The following CPNE9 variants were observed in gnomAD, a reference collection of about 807,000 sequenced individuals.
The protein encoded by CPNE9 is copine family member 9.
A neutral mutation model predicts 83.0 loss-of-function variants in CPNE9; 59 were observed. That is an observed-to-expected ratio of 0.71 (90% CI 0.58 to 0.88). The LOEUF (loss-of-function observed/expected upper bound fraction) is 0.88. CPNE9 is among the 40% of genes least tolerant of loss of function. The pLI is 0.00. For missense variants in CPNE9, 619 were observed against 720.8 expected, an observed-to-expected ratio of 0.86 and a Z score of 1.62; for synonymous variants, 256 against 273.4, an observed-to-expected ratio of 0.94 and a Z score of 0.63.
chr3:9,723,831 AC>A (rs1332147469), intron 17 of CPNE9, among the ~76,000 whole-genome samples: 4 of 152,152 alleles, frequency 2.6e-5, no homozygotes, highest in Admixed American at 1.3e-4. Context: ...GGCGTGAGCC[AC>A]CCCACCTGTC....
chr3:9,709,959 C>T (rs1255315572), intron 7 of CPNE9, among the ~76,000 whole-genome samples: 4 of 145,762 alleles, frequency 2.7e-5, no homozygotes, highest in Non-Finnish European at 6.0e-5. Context: ...CATTGCACTC[C>T]AGCCTGGGCG....
chr3:9,715,182 C>T lies in CPNE9; in HGVS notation c.693-107C>T, dbSNP rs903720784. The T allele has an allele frequency of 7.1e-6, 9 of 1,275,010 alleles. No homozygotes were observed. The African/African-American group carries it at 8.9e-5, about 13-fold the overall frequency. 79.0% of individuals were successfully genotyped at this position (1,275,010 alleles called of 1,614,324 possible). On this transcript the variant is annotated intron_variant, in intron 11 of 20. Coordinates refer to ENST00000383832, the MANE Select transcript of CPNE9 (RefSeq NM_153635.3). ...CCCTTATGGCCCCAGCACTAGGCTG[C>T]CCTGCAGCCTAAGTAGGGGCTTAGG... is the stretch of plus-strand genomic sequence containing the variant.
rs1405709626 is a variant in CPNE9, at chr3:9,715,342, A to G, written c.746A>G (p.Gln249Arg). 1.2e-6 allele frequency: 2 copies of G among 1,614,228 alleles called. No homozygotes were observed. Among genetic ancestry groups the G allele is most frequent in the Non-Finnish European group, 1.7e-6 (2 of 1,180,034 alleles). The change falls in exon 12 of 21, where the codon CAG becomes CGG. Residue 249 changes from glutamine to arginine, a missense_variant. Coordinates refer to ENST00000383832, the MANE Select transcript of CPNE9 (RefSeq NM_153635.3). ...TTSYRELSKAQNQFTVYEVLN... is the reference protein window; with the variant it reads ...TTSYRELSKARNQFTVYEVLN... Reference sequence around the variant, plus strand: ...AGCTACCGGGAGCTGAGCAAGGCCCAGAACCAGTTCACAGTATATGAGGTG... The same window carrying G: ...AGCTACCGGGAGCTGAGCAAGGCCCGGAACCAGTTCACAGTATATGAGGTG...
At chr3:9,724,883 A>T (rs962361639) in intron 17 of CPNE9, among the ~76,000 whole-genome samples, 24 of 152,040 alleles carry the variant, frequency 1.6e-4, no homozygotes, top group African/African-American at 5.8e-4. Flanking sequence ...CAGCCTCCCG[A>T]GTAGCTGGGA....
Position 9,704,804 on chromosome 3 carries a change from C to T in CPNE9, c.156+9C>T, listed in dbSNP as rs762565204. On this transcript the variant is annotated intron_variant, in intron 3 of 20. Coordinates refer to ENST00000383832, the MANE Select transcript of CPNE9 (RefSeq NM_153635.3). This position sits in a 1 kb window ranked among gnomAD's most constrained non-coding sequence, Gnocchi z 7.1. ...GCCAGGAGTGGCGGGAGGTGAGTCC[C>T]AGAGCCCCCTCCCGGCCCAGGGCGT... is the stretch of plus-strand genomic sequence containing the variant. 1 of 1,605,032 alleles carries T rather than the reference C, an allele frequency of 6.2e-7. No individual in the cohort carries two copies.
At chr3:9,725,483 C>T (rs1375951970) in intron 17 of CPNE9, among the ~76,000 whole-genome samples, 1 of 150,978 alleles carries the variant, frequency 6.6e-6, no homozygotes, top group African/African-American at 2.4e-5. Flanking sequence ...TGCAGTGAGC[C>T]GAGATCACAC....
chr3:9,716,425 A>T (rs534695354), intron 14 of CPNE9, among the ~76,000 whole-genome samples: 3 of 152,200 alleles, frequency 2.0e-5, no homozygotes, highest in East Asian at 3.9e-4. Context: ...GACCTGGGAA[A>T]GGTAACTTTG....
intron 7 of CPNE9, among the ~76,000 whole-genome samples, chr3:9,708,876 C>A (rs1257846939): frequency 6.6e-6 from 1 of 151,650 alleles, no homozygotes; most frequent in Admixed American, 6.6e-5. Flanking sequence ...CCTCATGATC[C>A]GCCCGCCTCG....
intron 17 of CPNE9, 60 bp downstream of exon 17, chr3:9,718,662 C>T (rs1346535818): frequency 5.1e-6 from 8 of 1,576,222 alleles, no homozygotes; most frequent in Non-Finnish European, 6.9e-6. Context: ...GATTGACCCC[C>T]CAAGGATAGT....
Position 9,703,876 on chromosome 3 carries a change from G to C in CPNE9, c.-121G>C, listed in dbSNP as rs1341808900. 1 of 742,722 alleles carries C rather than the reference G, an allele frequency of 1.3e-6. No individual in the cohort carries two copies. The highest frequency in any genetic ancestry group is 2.0e-6 in the Non-Finnish European group (1 of 494,834). The allele number at this position is 742,722 out of a possible 1,614,324, so 46.0% of individuals were successfully genotyped here. On this transcript the variant is annotated 5_prime_UTR_variant, in exon 1 of 21. Transcript: ENST00000383832. The stretch of plus-strand genomic sequence containing the variant: ...GCTGGAGCGCACGCAGGGCTGGAGC[G>C]AGTGCAGCCGCCGCCGCCGCCGACA...
At chr3:9,707,002 C>A (rs1016474758) in intron 7 of CPNE9, among the ~76,000 whole-genome samples, 2 of 151,978 alleles carry the variant, frequency 1.3e-5, no homozygotes, top group African/African-American at 4.8e-5. Flanking sequence ...GGGTTCTGAG[C>A]GGAGGAGTGA....
intron 9 of CPNE9, 29 bp downstream of exon 9, chr3:9,712,857 C>T (rs778280074): frequency 6.3e-7 from 1 of 1,596,516 alleles, no homozygotes; most frequent in South Asian, 1.1e-5. Flanking sequence ...GGCTGTTAGG[C>T]TGGGGTGGGC....
intron 20 of CPNE9, 46 bp downstream of exon 20, chr3:9,727,232 G>A: frequency 6.2e-7 from 1 of 1,605,346 alleles, no homozygotes. Context: ...GGCACAGTGA[G>A]AAGAGGCTAA....
intron 18 of CPNE9, 150 bp downstream of exon 18, chr3:9,726,201 G>C: frequency 1.8e-6 from 1 of 553,970 alleles, no homozygotes; most frequent in Non-Finnish European, 3.2e-6. Flanking sequence ...AGAGATAGAG[G>C]ACTTTGATTT....
rs569809017 is a variant in CPNE9 at position 9,722,163 on chromosome 3, C to A, written c.1241+3561C>A. On this transcript the variant is annotated intron_variant, in intron 17 of 20. Coordinates refer to ENST00000383832, the MANE Select transcript of CPNE9 (RefSeq NM_153635.3). ...AACTCCTGACCTCAGGTGATCCACC[C>A]CCCCCCGCCACCCGGCCTCCCAAAG... Among the ~76,000 whole-genome samples the A allele has an allele frequency of 1.7e-4, 26 of 151,594 alleles. 1 individual carries two copies. Among genetic ancestry groups the A allele is most frequent in the African/African-American group, 5.8e-4 (24 of 41,214 alleles).
intron 13 of CPNE9, 93 bp from the exon 14 acceptor site, chr3:9,715,881 C>A: frequency 9.4e-7 from 1 of 1,061,050 alleles, no homozygotes; most frequent in Non-Finnish European, 1.4e-6. Flanking sequence ...CCTCCCATCA[C>A]GTGCCTCTTT....
At chr3:9,708,049 C>A (rs943383719) in intron 7 of CPNE9, among the ~76,000 whole-genome samples, 3 of 152,152 alleles carry the variant, frequency 2.0e-5, no homozygotes, top group Non-Finnish European at 4.4e-5. Flanking sequence ...AGGAATACTC[C>A]CACTTAAACC....
At chr3:9,725,627 T>C (rs540266905) in intron 17 of CPNE9, among the ~76,000 whole-genome samples, 4 of 138,994 alleles carry the variant, frequency 2.9e-5, no homozygotes, top group African/African-American at 5.8e-5. Flanking sequence ...TGTGTATATA[T>C]ATGTATATAC....
intron 10 of CPNE9, 116 bp downstream of exon 10, chr3:9,713,195 A>G: frequency 1.3e-6 from 1 of 785,714 alleles, no homozygotes. Flanking sequence ...GCTCAGTGAG[A>G]CAGAGTTTGG....
Sources: allele counts gnomAD v4.1 joint callset (sites outside exome capture counted in the v4.1 genomes callset), GRCh38; gene constraint gnomAD v4.1.1; non-coding constraint Gnocchi (gnomAD v3.1); transcripts MANE v1.5; gene names NCBI Gene and HGNC (gene_info 2026-07-23, HGNC 2026-07-21).